Variants in CCNJL observed in about 807,000 individuals in gnomAD.
CCNJL encodes cyclin J like.
A neutral mutation model predicts 33.4 loss-of-function variants in CCNJL; 33 were observed. That is an observed-to-expected ratio of 0.99 (90% confidence interval 0.75 to 1.32). The LOEUF (loss-of-function observed/expected upper bound fraction) is 1.32, where lower values mean the gene tolerates loss of function less well. CCNJL is among the 40% of genes most tolerant of loss of function. CCNJL has a pLI of 0.00. For synonymous variants in CCNJL, 227 were observed against 220.9 expected, an observed-to-expected ratio of 1.03 and a Z score of -0.24; for missense variants, 512 against 499.7, an observed-to-expected ratio of 1.02 and a Z score of -0.23.
chr5:160,282,359 T>C (rs934238238), intron 2 of CCNJL, among the ~76,000 whole-genome samples: 2 of 152,014 alleles, frequency 1.3e-5, no homozygotes, highest in African/African-American at 4.8e-5. Flanking sequence ...ATAAAACTCT[T>C]AGAAGAAAAC....
At chr5:160,305,671 G>C (rs527967532) in intron 2 of CCNJL, among the ~76,000 whole-genome samples, 2 of 152,280 alleles carry the variant, frequency 1.3e-5, no homozygotes, top group African/African-American at 4.8e-5. Context: ...GTGTTAAATT[G>C]GATATTTTTA....
chr5:160,257,196 C>T lies in CCNJL; in HGVS notation c.584-1488G>A, dbSNP rs1429823531. Among the ~76,000 whole-genome samples, 4 of 151,954 alleles carry T rather than the reference C, an allele frequency of 2.6e-5. 1 individual carries two copies. Among genetic ancestry groups the T allele is most frequent in the Admixed American group, 2.6e-4 (4 of 15,244 alleles). ...TCTCTAAAAAAATTTAAAAAATTGG[C>T]CGGGTGCAGTGGTTCACGCCTGTAA... On this transcript the variant is annotated intron_variant, in intron 4 of 5. Coordinates refer to ENST00000257536, the MANE Select transcript of CCNJL (RefSeq NM_001308173.3).
chr5:160,281,859 T>C lies in CCNJL; in HGVS notation c.67-1121A>G, dbSNP rs570669357. 4.6e-5 allele frequency among the ~76,000 whole-genome samples: 7 copies of C among 152,178 alleles called. No individual in the cohort carries two copies. In the East Asian group the frequency reaches 9.6e-4, roughly 21 times the overall value. ...TGTAGAGACAGGGGTCTCATTGTGT[T>C]GCCTGGGATGGTCTCAAACTCCTGA... is the stretch of plus-strand genomic sequence containing the variant. On this transcript the variant is annotated intron_variant, in intron 2 of 5. Coordinates refer to ENST00000257536, the MANE Select transcript of CCNJL (RefSeq NM_001308173.3).
Position 160,280,641 on chromosome 5 carries a change from A to G in CCNJL, c.164T>C (p.Leu55Pro). Residue 55 changes from leucine to proline, a missense_variant, in exon 3 of 6, where the codon CTC becomes CCC. Leu to Pro is a moderately conservative substitution (Grantham distance 98). Coordinates refer to ENST00000257536, the MANE Select transcript of CCNJL (RefSeq NM_001308173.3). ...ILTLLSSHCQ[L>P]CPAARHLAVY... ...GGCCAGGTGCCGGGCTGCAGGGCAG[A>G]GCTGGCAGTGGCTGCTCAGCAGGGT... 6.2e-7 allele frequency: 1 copy of G among 1,613,554 alleles called. No homozygotes were observed. The highest frequency in any genetic ancestry group is 8.5e-7 in the Non-Finnish European group (1 of 1,179,882).
upstream of CCNJL, among the ~76,000 whole-genome samples, chr5:160,316,930 G>A (rs909495281): frequency 1.3e-5 from 2 of 152,202 alleles, no homozygotes; most frequent in African/African-American, 4.8e-5. Flanking sequence ...TATCCTGACA[G>A]GGTCAAGCAT....
chr5:160,265,369 G>A (rs1474599483), intron 3 of CCNJL, among the ~76,000 whole-genome samples: 1 of 152,082 alleles, frequency 6.6e-6, no homozygotes, highest in African/African-American at 2.4e-5. Context: ...CAGGTGTGGT[G>A]GCTCACGCCT....
In CCNJL at chr5:160,334,370, G is replaced by A. The variant is rs578074267; in HGVS notation, n.206+5075C>T. ...AACATTCCACCTACTCAGCACCTGCGCAACCAGAGGGCACAATAAAATGAT... is the reference window on the plus strand; with the variant it reads ...AACATTCCACCTACTCAGCACCTGCACAACCAGAGGGCACAATAAAATGAT... On this transcript the variant is annotated intron_variant and non_coding_transcript_variant, in intron 1 of 7. Coordinates refer to the CCNJL transcript ENST00000377503. Among the ~76,000 whole-genome samples, 77 of 152,264 alleles carry A rather than the reference G, an allele frequency of 5.1e-4. 1 individual carries two copies. The highest frequency in any genetic ancestry group is 1.6e-3 in the African/African-American group (68 of 41,568).
chr5:160,300,515 T>C (rs552145849), intron 2 of CCNJL, among the ~76,000 whole-genome samples: 2 of 152,310 alleles, frequency 1.3e-5, no homozygotes, highest in African/African-American at 4.8e-5. Context: ...TAAACTTTCT[T>C]AAAACATTAT....
intron 1 of CCNJL, among the ~76,000 whole-genome samples, chr5:160,329,470 A>C (rs10042684): frequency 0.81 from 122,242 of 151,574 alleles, 49,828 homozygotes; most frequent in African/African-American, 0.92. Flanking sequence ...CCCGCCTCAG[A>C]CTCCAGAGTA....
In CCNJL at chr5:160,321,009, TC is replaced by T. The variant is rs1763448372; in HGVS notation, n.207-5505del. On this transcript the variant is annotated intron_variant and non_coding_transcript_variant, in intron 1 of 7. Transcript: ENST00000377503. ...CTCTTTCTTTCTTTCTCTCTCTCTC[TC>T]TCTCTTTCTTTCTTTCTTTCTTTCT... Among the ~76,000 whole-genome samples the T allele has an allele frequency of 1.6e-4, 15 of 95,872 alleles. 1 individual carries two copies. Among genetic ancestry groups the T allele is most frequent in the African/African-American group, 6.6e-4 (10 of 15,232 alleles). The allele number at this position is 95,872 out of a possible 152,430, so 62.9% of individuals were successfully genotyped here.
chr5:160,320,856 TC>T (rs1763440126), intron 1 of CCNJL, among the ~76,000 whole-genome samples: 1 of 146,546 alleles, frequency 6.8e-6, no homozygotes, highest in Non-Finnish European at 1.5e-5. Context: ...TTTCCTTCTT[TC>T]TTTCTTTCTT....
At chr5:160,266,320 T>C (rs1761585121) in intron 3 of CCNJL, among the ~76,000 whole-genome samples, 1 of 152,278 alleles carries the variant, frequency 6.6e-6, no homozygotes, top group Admixed American at 6.5e-5. Flanking sequence ...CCAGGCTCAA[T>C]AGAGACCTTT....
exon 1 of CCNJL, chr5:160,339,473 C>A (rs1157922487): frequency 2.2e-6 from 1 of 452,170 alleles, no homozygotes; most frequent in Non-Finnish European, 4.5e-6. Flanking sequence ...TATTTCAGTA[C>A]CATTTCAGCC....
intron 2 of CCNJL, chr5:160,281,487 A>G (rs913324802): frequency 2.9e-4 from 45 of 152,890 alleles, no homozygotes; most frequent in African/African-American, 1.1e-3. Context: ...TCTACTTTGC[A>G]ATATATATAC....
chr5:160,302,689 G>GT (rs1762960390), intron 2 of CCNJL, among the ~76,000 whole-genome samples: 1 of 152,038 alleles, frequency 6.6e-6, no homozygotes, highest in Non-Finnish European at 1.5e-5. Context: ...GCACATGCCT[G>GT]TAATTCCAGC....
chr5:160,316,244 C>G (rs1437029066), upstream of CCNJL, among the ~76,000 whole-genome samples: 1 of 152,094 alleles, frequency 6.6e-6, no homozygotes, highest in Non-Finnish European at 1.5e-5. Flanking sequence ...TCCCATCCAC[C>G]CCCAACCAAG....
intron 2 of CCNJL, among the ~76,000 whole-genome samples, chr5:160,284,022 T>C (rs999474089): frequency 4.6e-5 from 7 of 152,174 alleles, no homozygotes; most frequent in Admixed American, 6.5e-5. Context: ...ATTTATCTGT[T>C]GATGGACATT....
intron 2 of CCNJL, among the ~76,000 whole-genome samples, chr5:160,282,988 T>C (rs796202936): frequency 5.0e-5 from 3 of 60,238 alleles, no homozygotes; most frequent in South Asian, 6.3e-4. Context: ...TATATATATA[T>C]ATATATATAT....
At chr5:160,319,273 G>T (rs957490546) in intron 1 of CCNJL, among the ~76,000 whole-genome samples, 11 of 152,076 alleles carry the variant, frequency 7.2e-5, no homozygotes, top group African/African-American at 2.7e-4. Context: ...GGGTCACCTC[G>T]CCCAGCCCAT....
Sources: gnomAD v4.1 joint callset for allele counts (sites outside exome capture counted in the v4.1 genomes callset) on GRCh38, gnomAD v4.1.1 for gene constraint, MANE v1.5 for transcripts, NCBI Gene and HGNC (gene_info 2026-07-23, HGNC 2026-07-21) for gene names.